The following MRPS31 variants were observed in gnomAD, a reference collection of about 807,000 sequenced individuals.
The protein encoded by MRPS31 is small ribosomal subunit protein mS31.
MRPS31 carries 32 observed loss-of-function variants against 43.1 expected under a neutral mutation model. The observed-to-expected ratio is 0.74, with a 90% CI of 0.56 to 1.00. The LOEUF (loss-of-function observed/expected upper bound fraction) is 1.00, where lower values mean the gene tolerates loss of function less well. MRPS31 is among the 50% of genes least tolerant of loss of function. MRPS31 has a pLI of 0.00. For missense variants in MRPS31, 437 were observed against 466.7 expected (o/e 0.94, Z 0.59); for synonymous variants, 165 against 161.6 (o/e 1.02, Z -0.16).
intron 2 of MRPS31, among the ~76,000 whole-genome samples, chr13:40,761,921 G>GAAAA: frequency 1.1e-5 from 1 of 91,290 alleles, no homozygotes; most frequent in Non-Finnish European, 2.4e-5. Flanking sequence ...AAAATAAACA[G>GAAAA]AAAAAAAAAA....
At chr13:40,733,739 G>A (rs947114892) in intron 6 of MRPS31, among the ~76,000 whole-genome samples, 7 of 152,104 alleles carry the variant, frequency 4.6e-5, no homozygotes, top group Admixed American at 1.3e-4. Context: ...AGGATGAGGC[G>A]AGTGGATTGC....
At chr13:40,737,798 G>A (rs963960419) in intron 6 of MRPS31, among the ~76,000 whole-genome samples, 3 of 151,962 alleles carry the variant, frequency 2.0e-5, no homozygotes, top group Admixed American at 2.0e-4. Flanking sequence ...GTGTGTAGAG[G>A]GAAATTTATA....
intron 2 of MRPS31, among the ~76,000 whole-genome samples, chr13:40,761,685 C>T (rs1378377646): frequency 1.3e-5 from 2 of 152,060 alleles, no homozygotes; most frequent in African/African-American, 4.8e-5. Flanking sequence ...TTCATTAATA[C>T]AAACTTTTCC....
chr13:40,756,981 G>C lies in MRPS31; in HGVS notation c.632C>G (p.Ala211Gly). The change falls in exon 4 of 7, where the codon GCC (alanine) becomes GGC (glycine). Residue 211 changes from alanine to glycine, a missense_variant. By Grantham distance (60) the Ala-to-Gly change is moderately conservative. Coordinates refer to ENST00000323563, the MANE Select transcript of MRPS31 (RefSeq NM_005830.4). ...ACGAACTCTAGCTGTAGCAGATCTG[G>C]CAACTTTCATATCTGATATTATGTT... ...FSNIISDMKV[A>G]RSATARVRSR... The C allele has an allele frequency of 6.2e-7, 1 of 1,611,738 alleles. No homozygotes were observed.
chr13:40,753,485 C>T (rs751021832), intron 5 of MRPS31, among the ~76,000 whole-genome samples: 1 of 152,160 alleles, frequency 6.6e-6, no homozygotes, highest in African/African-American at 2.4e-5. Context: ...GAAGCCTGAC[C>T]GAAACTAGCA....
intron 2 of MRPS31, among the ~76,000 whole-genome samples, chr13:40,764,952 T>C (rs1239545664): frequency 1.3e-5 from 2 of 152,110 alleles, no homozygotes; most frequent in Non-Finnish European, 2.9e-5. Flanking sequence ...TCAATGAAGG[T>C]TCAATATTTA....
chr13:40,751,085 T>C (rs573758813), intron 5 of MRPS31, among the ~76,000 whole-genome samples: 2 of 152,136 alleles, frequency 1.3e-5, no homozygotes, highest in Non-Finnish European at 2.9e-5. Context: ...TCTATTTCTA[T>C]GAGCCTTTAT....
At chr13:40,748,518 T>A (rs1880302136) in intron 6 of MRPS31, among the ~76,000 whole-genome samples, 2 of 152,266 alleles carry the variant, frequency 1.3e-5, no homozygotes, top group South Asian at 4.1e-4. Flanking sequence ...GATGACAACA[T>A]GGGTATCATA....
intron 2 of MRPS31, among the ~76,000 whole-genome samples, chr13:40,760,150 A>AAAAC (rs1880654248): frequency 6.6e-6 from 1 of 150,996 alleles, no homozygotes; most frequent in African/African-American, 2.5e-5. Flanking sequence ...AAAAAAAAAA[A>AAAAC]AAAAAACTGT....
chr13:40,749,310 A>G (rs780758893), intron 5 of MRPS31, 29 bp from the exon 6 acceptor site: 1 of 1,510,976 alleles, frequency 6.6e-7, no homozygotes, highest in Non-Finnish European at 8.8e-7. Flanking sequence ...TTAGATAACA[A>G]CAAGTCAATG....
At chr13:40,734,393 C>T (rs891748901) in intron 6 of MRPS31, among the ~76,000 whole-genome samples, 1 of 152,076 alleles carries the variant, frequency 6.6e-6, no homozygotes, top group African/African-American at 2.4e-5. Flanking sequence ...ATGACAGCTA[C>T]AGACAGACAG....
chr13:40,730,717 C>G (rs905357495), intron 6 of MRPS31, among the ~76,000 whole-genome samples: 1 of 151,854 alleles, frequency 6.6e-6, no homozygotes, highest in Non-Finnish European at 1.5e-5. Context: ...CCTGCCACCA[C>G]GCCCAGCTGA....
intron 6 of MRPS31, among the ~76,000 whole-genome samples, chr13:40,746,039 A>G (rs1880232189): frequency 1.3e-5 from 2 of 152,362 alleles, no homozygotes; most frequent in South Asian, 2.1e-4. Context: ...ATTTATATGC[A>G]TTAAGTGGCA....
chr13:40,771,027 C>A lies in MRPS31; in HGVS notation c.110G>T (p.Arg37Leu), dbSNP rs774498966. ...SAAAIMLLTV[R>L]HGTVRYRSSA... ...ACTGCGGTACCTGACTGTTCCGTGC[C>A]GAACAGTGAGTAGCATAATCGCAGC... Residue 37 changes from arginine to leucine, a missense_variant, in exon 1 of 7, where the codon CGG (arginine) becomes CTG (leucine). By Grantham distance (102) the Arg-to-Leu change is moderately radical. Coordinates refer to ENST00000323563, the MANE Select transcript of MRPS31 (RefSeq NM_005830.4). The A allele has an allele frequency of 1.9e-6, 3 of 1,614,002 alleles. No homozygotes were observed. The highest frequency in any genetic ancestry group is 2.2e-5 in the South Asian group (2 of 91,074).
chr13:40,758,501 G>C (rs1298027409), intron 3 of MRPS31, among the ~76,000 whole-genome samples: 2 of 152,086 alleles, frequency 1.3e-5, no homozygotes, highest in Admixed American at 1.3e-4. Context: ...GTATAACATG[G>C]TATAAAATAA....
chr13:40,735,104 G>A (rs1402153058), intron 6 of MRPS31, among the ~76,000 whole-genome samples: 2 of 152,212 alleles, frequency 1.3e-5, no homozygotes, highest in African/African-American at 2.4e-5. Context: ...AAGAGGGTGA[G>A]GCATTGCCTC....
In MRPS31 at chr13:40,747,133, C is replaced by T. The variant is rs185347864; in HGVS notation, c.958+2005G>A. 2.6e-5 allele frequency among the ~76,000 whole-genome samples: 4 copies of T among 151,808 alleles called. No individual in the cohort carries two copies. The East Asian group carries it at 5.8e-4, about 22-fold the overall frequency. ...TCGCTCTGTCACCCAGGCTGGAGTG[C>T]TGTGGCACGATCTTGGCTCACTGCA... On this transcript the variant is annotated intron_variant, in intron 6 of 6. Coordinates refer to ENST00000323563, the MANE Select transcript of MRPS31 (RefSeq NM_005830.4).
intron 1 of MRPS31, chr13:40,770,729 A>T: frequency 2.2e-6 from 1 of 459,784 alleles, no homozygotes; most frequent in Non-Finnish European, 3.9e-6. Flanking sequence ...GGCAAAAGAT[A>T]AAAACCTGGG....
chr13:40,766,326 T>C (rs759005590), intron 2 of MRPS31, among the ~76,000 whole-genome samples: 1 of 152,208 alleles, frequency 6.6e-6, no homozygotes, highest in Non-Finnish European at 1.5e-5. Context: ...AGAGTCTCGC[T>C]TGATCCCCCA....
Sources: gnomAD v4.1 joint callset for allele counts (sites outside exome capture counted in the v4.1 genomes callset) on GRCh38, gnomAD v4.1.1 for gene constraint, MANE v1.5 for transcripts, NCBI Gene and HGNC (gene_info 2026-07-23, HGNC 2026-07-21) for gene names.